TDRD3: variants seen among roughly 807,000 people sequenced by gnomAD.
TDRD3 encodes the protein tudor domain containing 3.
In TDRD3, 45 loss-of-function variants were observed where a neutral mutation model predicts 86.7. The ratio of observed to expected loss-of-function variants is 0.52; its 90% CI spans 0.41 to 0.67. The LOEUF is 0.67. Ranked by LOEUF, TDRD3 falls within the 30% of genes least tolerant of loss-of-function variation. TDRD3 has a pLI of 0.00. For synonymous variants in TDRD3, 298 were observed against 301.7 expected (o/e 0.99, Z 0.13); for missense variants, 814 against 889.0 (o/e 0.92, Z 1.07).
intron 5 of TDRD3, among the ~76,000 whole-genome samples, chr13:60,479,699 T>G (rs1956270738): frequency 1.3e-5 from 2 of 152,230 alleles, no homozygotes; most frequent in Non-Finnish European, 2.9e-5. Flanking sequence ...TATACATATT[T>G]AGGATAGCTA....
intron 13 of TDRD3, among the ~76,000 whole-genome samples, chr13:60,572,348 G>A (rs1224264114): frequency 6.6e-6 from 1 of 152,216 alleles, no homozygotes; most frequent in Middle Eastern, 3.2e-3. Context: ...AATTTGTTGT[G>A]TTTGATGCTG....
At chr13:60,562,955 A>G (rs1958369862) in intron 12 of TDRD3, among the ~76,000 whole-genome samples, 1 of 152,134 alleles carries the variant, frequency 6.6e-6, no homozygotes, top group Admixed American at 6.5e-5. Flanking sequence ...TGGGCTAGGC[A>G]TGGTGGCTCA....
rs548370535 is a variant in TDRD3 at position 60,491,873 on chromosome 13, T to G, written c.718-2562T>G. On this transcript the variant is annotated intron_variant, in intron 7 of 13. Coordinates refer to ENST00000377881, the MANE Select transcript of TDRD3 (RefSeq NM_001146070.2). Reference sequence around the variant, plus strand: ...GGAGGTTTGAGAAGTGAGGAGAATGTGTAAAATAGTGGTCTAGAAGATTAG... The same window carrying G: ...GGAGGTTTGAGAAGTGAGGAGAATGGGTAAAATAGTGGTCTAGAAGATTAG... 2.0e-5 allele frequency among the ~76,000 whole-genome samples: 3 copies of G among 152,068 alleles called. 1 individual carries two copies. The South Asian group carries it at 6.2e-4, about 32-fold the overall frequency.
intron 5 of TDRD3, among the ~76,000 whole-genome samples, chr13:60,473,615 C>A (rs1956116456): frequency 1.3e-5 from 2 of 152,158 alleles, no homozygotes; most frequent in Admixed American, 6.5e-5. Flanking sequence ...TAGTATTACT[C>A]TTTATTCCAA....
In TDRD3 at chr13:60,453,696, A is replaced by C. The variant is rs370660671; in HGVS notation, c.193-6684A>C. On this transcript the variant is annotated intron_variant, in intron 3 of 13. Transcript: ENST00000377881. Reference sequence around the variant, plus strand: ...TGGCTAGATCACAAGACCCTGCAGGATACTGGAATGCTCCCTGGTGAGGTA... The same window carrying C: ...TGGCTAGATCACAAGACCCTGCAGGCTACTGGAATGCTCCCTGGTGAGGTA... Among the ~76,000 whole-genome samples the C allele has an allele frequency of 9.1e-4, 139 of 152,316 alleles. 4 individuals carry two copies. In the South Asian group the frequency reaches 0.027, roughly 30 times the overall value.
At chr13:60,540,414 A>G (rs1009189428) in intron 12 of TDRD3, among the ~76,000 whole-genome samples, 5 of 152,178 alleles carry the variant, frequency 3.3e-5, no homozygotes, top group African/African-American at 1.2e-4. Context: ...CCAGCCTTTT[A>G]CCATTTTTGT....
At chr13:60,551,167 C>T (rs760793057) in intron 12 of TDRD3, among the ~76,000 whole-genome samples, 2 of 152,146 alleles carry the variant, frequency 1.3e-5, no homozygotes, top group African/African-American at 4.8e-5. Flanking sequence ...TCTTCTTTAG[C>T]CTCTGTATCC....
intron 10 of TDRD3, among the ~76,000 whole-genome samples, chr13:60,512,307 G>A (rs1326324916): frequency 6.6e-6 from 1 of 152,046 alleles, no homozygotes; most frequent in African/African-American, 2.4e-5. Flanking sequence ...CTCCCACTGG[G>A]TCCCTCCCAC....
In TDRD3 at chr13:60,528,519, G is replaced by A. The variant is rs1486616850; in HGVS notation, c.1294G>A (p.Asp432Asn). Residue 432 changes from aspartate (D) to asparagine (N), a missense_variant, in exon 11 of 14, where the codon GAC (aspartate) becomes AAC (asparagine). Physicochemically the swap from Asp to Asn is conservative, Grantham distance 23. Coordinates refer to ENST00000377881, the MANE Select transcript of TDRD3 (RefSeq NM_001146070.2). ...TGAAAAACCGCCTCGTTTTCAAAGA[G>A]ACTCCCAAAATTCAAAGTCAGTTTT... ...RNEKPPRFQR[D>N]SQNSKSVLEG... 3 of 1,613,974 alleles carry A rather than the reference G, an allele frequency of 1.9e-6. No homozygotes were observed. The highest frequency in any genetic ancestry group is 1.7e-5 in the Admixed American group (1 of 60,002).
chr13:60,460,237 AT>A (rs1329909428), intron 3 of TDRD3, 142 bp from the exon 4 acceptor site: 27 of 704,214 alleles, frequency 3.8e-5, no homozygotes, highest in Non-Finnish European at 5.4e-5. Flanking sequence ...ATAATATATA[AT>A]TTCAGTTTCA....
At chr13:60,514,950 A>G (rs1263017257) in intron 10 of TDRD3, among the ~76,000 whole-genome samples, 2 of 152,222 alleles carry the variant, frequency 1.3e-5, no homozygotes, top group Non-Finnish European at 2.9e-5. Flanking sequence ...TATTTTATTT[A>G]GTATTTAAAA....
intron 8 of TDRD3, among the ~76,000 whole-genome samples, chr13:60,506,601 AC>A (rs1451760187): frequency 6.6e-6 from 1 of 152,190 alleles, no homozygotes; most frequent in Non-Finnish European, 1.5e-5. Flanking sequence ...TACTAAAAAT[AC>A]AAAAACTAGC....
chr13:60,565,348 C>T (rs1405732542), intron 12 of TDRD3, among the ~76,000 whole-genome samples: 1 of 152,134 alleles, frequency 6.6e-6, no homozygotes, highest in Non-Finnish European at 1.5e-5. Flanking sequence ...AGCCACCGCG[C>T]CCGGCCGTCA....
rs772570065 is a variant in TDRD3, at chr13:60,433,326, C to CT, written c.42-6361dup. On this transcript the variant is annotated intron_variant, in intron 1 of 13. Coordinates refer to ENST00000377881, the MANE Select transcript of TDRD3 (RefSeq NM_001146070.2). ...TAAAAATATAAGTAGTCCTCAAAGT[C>CT]TGAAGTAAGCATGGGTTCTTTATAT... 1.5e-4 allele frequency among the ~76,000 whole-genome samples: 23 copies of CT among 152,272 alleles called. No individual in the cohort carries two copies. The East Asian group carries it at 3.7e-3, about 24-fold the overall frequency.
chr13:60,414,699 G>A (rs528049295), intron 1 of TDRD3, among the ~76,000 whole-genome samples: 72 of 152,240 alleles, frequency 4.7e-4, no homozygotes, highest in South Asian at 8.3e-4. Context: ...GAATGTGTCA[G>A]TACTTGCAGT....
chr13:60,529,196 A>G lies in TDRD3; in HGVS notation c.1971A>G (p.Ala657=). The G allele has an allele frequency of 6.2e-7, 1 of 1,602,680 alleles. No homozygotes were observed. The highest frequency in any genetic ancestry group is 8.5e-7 in the Non-Finnish European group (1 of 1,175,392). Reference sequence around the variant, plus strand: ...GGAAACCTGGAGATGAATGTTTTGCACTTTATTGGGAAGACAACAAGGTAT... The same window carrying G: ...GGAAACCTGGAGATGAATGTTTTGCGCTTTATTGGGAAGACAACAAGGTAT... ...KMWKPGDECF[A]LYWEDNKFYR... The change falls in exon 11 of 14, where the codon GCA becomes GCG. Residue 657 remains alanine, a synonymous_variant. Coordinates refer to ENST00000377881, the MANE Select transcript of TDRD3 (RefSeq NM_001146070.2).
chr13:60,509,523 TTG>T, intron 8 of TDRD3: 1 of 446,044 alleles, frequency 2.2e-6, no homozygotes, highest in Non-Finnish European at 4.0e-6. Context: ...AATTTATTTT[TTG>T]TGTGTTGCTT....
chr13:60,425,497 C>T (rs1039890018), intron 1 of TDRD3, among the ~76,000 whole-genome samples: 1 of 152,118 alleles, frequency 6.6e-6, no homozygotes, highest in Non-Finnish European at 1.5e-5. Flanking sequence ...ACCTAGCAAT[C>T]CCTATTCTGA....
chr13:60,504,233 T>C (rs1013098545), intron 8 of TDRD3, among the ~76,000 whole-genome samples: 1 of 152,238 alleles, frequency 6.6e-6, no homozygotes, highest in African/African-American at 2.4e-5. Context: ...AAGTTACTGT[T>C]TTTATACACC....
Sources: gnomAD v4.1 joint callset for allele counts (sites outside exome capture counted in the v4.1 genomes callset) on GRCh38, gnomAD v4.1.1 for gene constraint, MANE v1.5 for transcripts, NCBI Gene and HGNC (gene_info 2026-07-23, HGNC 2026-07-21) for gene names.